ABTB2: variants seen among roughly 807,000 people sequenced by gnomAD.
ABTB2 encodes ankyrin repeat and BTB/POZ domain-containing protein 2.
In ABTB2, 56 loss-of-function variants were observed where a neutral mutation model predicts 104.1. That is an observed-to-expected ratio of 0.54 (90% CI 0.43 to 0.67). ABTB2 has a LOEUF of 0.67. Ranked by LOEUF, ABTB2 falls within the 30% of genes least tolerant of loss-of-function variation. The pLI is 0.00. For missense variants in ABTB2, 1,279 were observed against 1,407.7 expected (o/e 0.91, Z 1.46); for synonymous variants, 606 against 608.2 (o/e 1.00, Z 0.05).
At chr11:34,187,772 A>G (rs1853120885) in intron 3 of ABTB2, among the ~76,000 whole-genome samples, 1 of 152,154 alleles carries the variant, frequency 6.6e-6, no homozygotes, top group Non-Finnish European at 1.5e-5. Flanking sequence ...TACAGGTGTG[A>G]GCCTCTCATC....
At chr11:34,175,077 C>T (rs766843813) in intron 3 of ABTB2, among the ~76,000 whole-genome samples, 1 of 152,240 alleles carries the variant, frequency 6.6e-6, no homozygotes, top group Non-Finnish European at 1.5e-5. Context: ...AAAAGATGTC[C>T]ATTCTCTCTC....
chr11:34,227,465 G>A (rs547774021), intron 1 of ABTB2, among the ~76,000 whole-genome samples: 5 of 152,074 alleles, frequency 3.3e-5, no homozygotes, highest in South Asian at 2.1e-4. Flanking sequence ...CTTCTTTTAT[G>A]TGGCATAATG....
chr11:34,315,381 G>A (rs1336391769), intron 1 of ABTB2, among the ~76,000 whole-genome samples: 1 of 152,202 alleles, frequency 6.6e-6, no homozygotes, highest in Non-Finnish European at 1.5e-5. Context: ...GGGCCATCCT[G>A]ACATGGGGCT....
Position 34,290,244 on chromosome 11 carries a change from T to A in ABTB2, c.883+66457A>T, listed in dbSNP as rs116309751. On this transcript the variant is annotated intron_variant, in intron 1 of 16. Transcript: ENST00000435224. The stretch of plus-strand genomic sequence containing the variant: ...TTTGTATCAAAGTAGCTATCTTCCC[T>A]TGCACGATCCCATGAATAATTTGCA... Among the ~76,000 whole-genome samples the A allele has an allele frequency of 8.4e-3, 1,286 of 152,308 alleles. 19 individuals carry two copies. Among genetic ancestry groups the A allele is most frequent in the African/African-American group, 0.029 (1,191 of 41,552 alleles).
At chr11:34,334,762 A>G (rs1590260410) in intron 1 of ABTB2, among the ~76,000 whole-genome samples, 1 of 76,042 alleles carries the variant, frequency 1.3e-5, no homozygotes. Flanking sequence ...ACATCTTAAT[A>G]TTTGGGTTTT....
At chr11:34,282,679 A>C (rs12361542) in intron 1 of ABTB2, among the ~76,000 whole-genome samples, 69 of 151,898 alleles carry the variant, frequency 4.5e-4, no homozygotes, top group Admixed American at 7.2e-4. Flanking sequence ...GGCATGCACC[A>C]CCACACCTGG....
At chr11:34,156,712 T>G (rs940895324) in intron 14 of ABTB2, among the ~76,000 whole-genome samples, 1 of 151,988 alleles carries the variant, frequency 6.6e-6, no homozygotes, top group Admixed American at 6.6e-5. Flanking sequence ...TTAGTAGAGA[T>G]ACGGTTTCTA....
intron 1 of ABTB2, among the ~76,000 whole-genome samples, chr11:34,330,698 C>A (rs1855118760): frequency 6.6e-6 from 1 of 152,240 alleles, no homozygotes; most frequent in Non-Finnish European, 1.5e-5. Context: ...GTCAATGAGG[C>A]ATAGGGGTGC....
intron 1 of ABTB2, among the ~76,000 whole-genome samples, chr11:34,228,892 G>T (rs1853722414): frequency 5.9e-5 from 9 of 152,108 alleles, no homozygotes; most frequent in Admixed American, 5.9e-4. Context: ...GGCCAAGGTG[G>T]ACAGATCACT....
At chr11:34,318,462 C>T (rs1854966375) in intron 1 of ABTB2, among the ~76,000 whole-genome samples, 1 of 152,168 alleles carries the variant, frequency 6.6e-6, no homozygotes, top group South Asian at 2.1e-4. Context: ...TTAAAGGCAA[C>T]CCAGAGACCA....
intron 5 of ABTB2, among the ~76,000 whole-genome samples, chr11:34,169,687 C>T (rs1200965157): frequency 6.6e-6 from 1 of 152,174 alleles, no homozygotes; most frequent in Non-Finnish European, 1.5e-5. Context: ...CAGCCTGTCA[C>T]CTGCCACTGC....
chr11:34,258,504 A>G (rs1305689731), intron 1 of ABTB2, among the ~76,000 whole-genome samples: 1 of 152,082 alleles, frequency 6.6e-6, no homozygotes, highest in Non-Finnish European at 1.5e-5. Context: ...GGTGCCATCT[A>G]TCAAATGGAA....
chr11:34,162,757 G>A lies in ABTB2; in HGVS notation c.2037C>T (p.Asp679=), dbSNP rs757781814. 9 of 1,609,344 alleles carry A rather than the reference G, an allele frequency of 5.6e-6. No homozygotes were observed. Among genetic ancestry groups the A allele is most frequent in the African/African-American group, 1.3e-5 (1 of 74,926 alleles). ...LLTQPQQAKA[D]VLSLEEILAE... is the part of the protein sequence containing the mutation. Reference sequence around the variant, plus strand: ...CCAGGATCTCCTCCAGGGACAGCACGTCCGCTTTAGCCTGCTGTGGCTGCG... The same window carrying A: ...CCAGGATCTCCTCCAGGGACAGCACATCCGCTTTAGCCTGCTGTGGCTGCG... Residue 679 remains aspartate (D), a synonymous_variant, in exon 10 of 17, where the codon GAC becomes GAT. Coordinates refer to ENST00000435224, the MANE Select transcript of ABTB2 (RefSeq NM_145804.3).
At chr11:34,204,712 A>C (rs1182041458) in intron 1 of ABTB2, 22 bp from the exon 2 acceptor site, 2 of 1,605,154 alleles carry the variant, frequency 1.2e-6, no homozygotes, top group South Asian at 2.2e-5. Flanking sequence ...GAAGGCAGAC[A>C]GGTCACACTT....
chr11:34,314,681 C>T (rs988661532), intron 1 of ABTB2, among the ~76,000 whole-genome samples: 8 of 152,194 alleles, frequency 5.3e-5, no homozygotes, highest in Non-Finnish European at 1.0e-4. Context: ...CAACCTCCCC[C>T]TGGTATCCGA....
chr11:34,298,806 T>TA (rs948991132), intron 1 of ABTB2, among the ~76,000 whole-genome samples: 5 of 152,168 alleles, frequency 3.3e-5, no homozygotes, highest in African/African-American at 9.7e-5. Flanking sequence ...GATCTTCTCA[T>TA]AAAAAACTGG....
intron 1 of ABTB2, among the ~76,000 whole-genome samples, chr11:34,281,889 C>T (rs1254471691): frequency 6.6e-6 from 1 of 151,096 alleles, no homozygotes; most frequent in African/African-American, 2.4e-5. Context: ...ATGAAGTTCA[C>T]AGCAGTGCTG....
intron 1 of ABTB2, among the ~76,000 whole-genome samples, chr11:34,325,779 C>A (rs1296205107): frequency 6.6e-6 from 1 of 151,846 alleles, no homozygotes. Flanking sequence ...AGCAAAACCT[C>A]ATCTCTACTG....
In ABTB2 at chr11:34,356,652, C is replaced by T. The variant is rs139311601; in HGVS notation, c.883+49G>A. ...AATTCACTCCCCCAGTAGCCCAGGG[C>T]GGGATTTCTTGCCTACCCAGTCTGC... On this transcript the variant is annotated intron_variant, in intron 1 of 16. Transcript: ENST00000435224. This position sits in a 1 kb window ranked among gnomAD's most constrained non-coding sequence, Gnocchi z 4.6. The T allele has an allele frequency of 1.1e-3, 1,650 of 1,495,108 alleles. 24 individuals are homozygous for T. In the African/African-American group the frequency reaches 0.021, roughly 19 times the overall value. 92.6% of individuals were successfully genotyped at this position (1,495,108 alleles called of 1,614,324 possible).
Sources: allele counts gnomAD v4.1 joint callset (sites outside exome capture counted in the v4.1 genomes callset), GRCh38; gene constraint gnomAD v4.1.1; non-coding constraint Gnocchi (gnomAD v3.1); transcripts MANE v1.5; gene names NCBI Gene and HGNC (gene_info 2026-07-23, HGNC 2026-07-21).